ERICH3: variants seen among roughly 807,000 people sequenced by gnomAD.
ERICH3 encodes glutamate-rich protein 3.
ERICH3 carries 126 observed loss-of-function variants against 131.1 expected under a neutral mutation model. That is an observed-to-expected ratio of 0.96 (90% CI 0.83 to 1.11). ERICH3 has a LOEUF of 1.11. Ranked by LOEUF, ERICH3 falls within the 50% of genes most tolerant of loss-of-function variation. ERICH3 has a pLI of 0.00. For synonymous variants in ERICH3, 695 were observed against 644.6 expected, an observed-to-expected ratio of 1.08 and a Z score of -1.18; for missense variants, 2,050 against 1,810.7, an observed-to-expected ratio of 1.13 and a Z score of -2.40.
At chr1:74,659,924 C>G (rs1646624280) in intron 1 of ERICH3, among the ~76,000 whole-genome samples, 1 of 152,104 alleles carries the variant, frequency 6.6e-6, no homozygotes, top group Non-Finnish European at 1.5e-5. Context: ...AGAGAGATCA[C>G]AAGTTTCTGT....
chr1:74,657,231 G>A (rs1646593383), intron 1 of ERICH3, among the ~76,000 whole-genome samples: 1 of 151,928 alleles, frequency 6.6e-6, no homozygotes, highest in Non-Finnish European at 1.5e-5. Flanking sequence ...ATTTGTTTTT[G>A]TTTTTTCTTG....
intron 8 of ERICH3, among the ~76,000 whole-genome samples, chr1:74,614,401 A>G (rs1432433347): frequency 1.4e-5 from 2 of 147,240 alleles, no homozygotes; most frequent in African/African-American, 5.0e-5. Context: ...TCGGCCGGGC[A>G]CGGTGGCTCA....
At chr1:74,651,011 T>A (rs1646529306) in intron 1 of ERICH3, among the ~76,000 whole-genome samples, 1 of 151,810 alleles carries the variant, frequency 6.6e-6, no homozygotes, top group Non-Finnish European at 1.5e-5. Context: ...AACGCAAAGC[T>A]GTCTTTAAAA....
At chr1:74,621,324 C>A (rs1250945730) in intron 7 of ERICH3, 1 of 153,146 alleles carries the variant, frequency 6.5e-6, no homozygotes, top group Admixed American at 6.5e-5. Flanking sequence ...TTAGTAACAT[C>A]ATTTTGTTTC....
At chr1:74,641,159 G>A (rs1646434214) in intron 5 of ERICH3, among the ~76,000 whole-genome samples, 172 bp downstream of exon 5, 1 of 152,076 alleles carries the variant, frequency 6.6e-6, no homozygotes, top group Non-Finnish European at 1.5e-5. Flanking sequence ...ATATTGACTA[G>A]AAGTGAGATA....
At chr1:74,670,665 T>A (rs540389036) in intron 1 of ERICH3, among the ~76,000 whole-genome samples, 11 of 152,334 alleles carry the variant, frequency 7.2e-5, no homozygotes, top group Admixed American at 6.5e-5. Flanking sequence ...TACAAATTGA[T>A]GTAAAACATG....
intron 1 of ERICH3, among the ~76,000 whole-genome samples, chr1:74,658,711 T>C (rs1646610514): frequency 6.6e-6 from 1 of 152,174 alleles, no homozygotes; most frequent in South Asian, 2.1e-4. Context: ...AGTCATGCTG[T>C]TTCTAACCAT....
intron 5 of ERICH3, among the ~76,000 whole-genome samples, chr1:74,636,866 T>C (rs1646394331): frequency 6.6e-6 from 1 of 152,312 alleles, no homozygotes; most frequent in East Asian, 1.9e-4. Context: ...CAATATAAAC[T>C]CTACTCTGAA....
At position 74,576,887 on chromosome 1, in the gene ERICH3, A is replaced by G. The variant is rs115672323; in HGVS notation, c.2218+8T>C. The G allele has an allele frequency of 3.3e-4, 531 of 1,600,436 alleles. 2 individuals carry two copies. In the African/African-American group the frequency reaches 6.1e-3, roughly 19 times the overall value. ...TCTAATTGGACCTCTTGCAGATGGAATACTTACCACCAAGAGCCAGGACAT... is the reference window on the plus strand; with the variant it reads ...TCTAATTGGACCTCTTGCAGATGGAGTACTTACCACCAAGAGCCAGGACAT... On this transcript the variant is annotated splice_region_variant and intron_variant, in intron 13 of 14. Transcript: ENST00000326665.
chr1:74,661,500 A>G, intron 1 of ERICH3, among the ~76,000 whole-genome samples: 1 of 152,190 alleles, frequency 6.6e-6, no homozygotes, highest in East Asian at 1.9e-4. Context: ...CATGAATCTA[A>G]GAAGAGGTTG....
At chr1:74,644,347 T>C (rs1241014500) in intron 3 of ERICH3, among the ~76,000 whole-genome samples, 1 of 152,094 alleles carries the variant, frequency 6.6e-6, no homozygotes, top group Non-Finnish European at 1.5e-5. Context: ...GACTTGCCAC[T>C]TCCCTACTGC....
rs750357972 is a variant in ERICH3, at chr1:74,576,920, T to A, written c.2193A>T (p.Pro731=). Residue 731 remains proline (P), a synonymous_variant, in exon 13 of 15, where the codon CCA becomes CCT. Transcript: ENST00000326665. ...GLEEGGKDSL[P]LAYVLALGAP... is the part of the protein sequence containing the mutation. ...CACCAAGAGCCAGGACATAGGCTAATGGCAATGAATCCTTTCCTAGTTAAA... is the reference window on the plus strand; with the variant it reads ...CACCAAGAGCCAGGACATAGGCTAAAGGCAATGAATCCTTTCCTAGTTAAA... The A allele has an allele frequency of 6.3e-7, 1 of 1,595,336 alleles. No homozygotes were observed. The highest frequency in any genetic ancestry group is 1.1e-5 in the South Asian group (1 of 88,040).
At chr1:74,601,807 T>A (rs986665449) in intron 10 of ERICH3, among the ~76,000 whole-genome samples, 12 of 151,860 alleles carry the variant, frequency 7.9e-5, no homozygotes, top group South Asian at 4.1e-4. Context: ...CAAGACCCAG[T>A]TAAAACACTT....
intron 9 of ERICH3, among the ~76,000 whole-genome samples, chr1:74,611,275 A>G (rs1441487645): frequency 6.6e-6 from 1 of 152,110 alleles, no homozygotes; most frequent in Non-Finnish European, 1.5e-5. Context: ...AGTTAACTGG[A>G]CATCTTTCCA....
chr1:74,603,612 C>G (rs1012345911), intron 10 of ERICH3, among the ~76,000 whole-genome samples: 5 of 151,660 alleles, frequency 3.3e-5, no homozygotes, highest in African/African-American at 1.2e-4. Flanking sequence ...TACAGGTATA[C>G]CTCAGGGATA....
chr1:74,633,371 A>G (rs746709402), intron 6 of ERICH3, among the ~76,000 whole-genome samples: 2 of 151,802 alleles, frequency 1.3e-5, no homozygotes, highest in Admixed American at 6.6e-5. Context: ...TTTTTTCTGT[A>G]AAGGAGTACG....
At chr1:74,658,877 T>G (rs2100651687) in intron 1 of ERICH3, among the ~76,000 whole-genome samples, 1 of 152,344 alleles carries the variant, frequency 6.6e-6, no homozygotes, top group East Asian at 1.9e-4. Context: ...GGGAAAATAA[T>G]TGTGCCTTAT....
chr1:74,584,269 A>G (rs908880680), intron 12 of ERICH3, among the ~76,000 whole-genome samples: 1 of 152,240 alleles, frequency 6.6e-6, no homozygotes, highest in Non-Finnish European at 1.5e-5. Context: ...TTTAGCCTCC[A>G]TATAGTAGCC....
intron 5 of ERICH3, 118 bp from the exon 6 acceptor site, chr1:74,636,556 T>A: frequency 2.0e-6 from 2 of 983,786 alleles, no homozygotes; most frequent in Non-Finnish European, 3.0e-6. Flanking sequence ...CTGAACAGAT[T>A]AAACTTTAAT....
Sources: allele counts gnomAD v4.1 joint callset (sites outside exome capture counted in the v4.1 genomes callset), GRCh38; gene constraint gnomAD v4.1.1; transcripts MANE v1.5; gene names NCBI Gene and HGNC (gene_info 2026-07-23, HGNC 2026-07-21).